The following PIK3R3 variants were observed in gnomAD, a reference collection of about 807,000 sequenced individuals.
The protein encoded by PIK3R3 is phosphoinositide-3-kinase regulatory subunit 3.
In PIK3R3, 64 loss-of-function variants were observed where a neutral mutation model predicts 62.9. The ratio of observed to expected loss-of-function variants is 1.02; its 90% confidence interval spans 0.83 to 1.25. The LOEUF (loss-of-function observed/expected upper bound fraction) is 1.25. PIK3R3 is among the 50% of genes most tolerant of loss of function. PIK3R3 has a pLI of 0.00. For synonymous variants in PIK3R3, 165 were observed against 189.0 expected, an observed-to-expected ratio of 0.87 and a Z score of 1.04; for missense variants, 614 against 561.6, an observed-to-expected ratio of 1.09 and a Z score of -0.94.
At chr1:46,053,614 A>AAGC (rs1390320059) in intron 7 of PIK3R3, among the ~76,000 whole-genome samples, 1 of 152,060 alleles carries the variant, frequency 6.6e-6, no homozygotes, top group Non-Finnish European at 1.5e-5. Context: ...ATGAACCAGA[A>AAGC]AGCAGATCCT....
At chr1:46,141,734 C>T in the PIK3R3 span, among the ~76,000 whole-genome samples, 4 of 152,306 alleles carry the variant, frequency 2.6e-5, no homozygotes, top group South Asian at 2.1e-4. Context: ...CTAATCCCAA[C>T]GTGAATCTTA....
intron 1 of PIK3R3, among the ~76,000 whole-genome samples, chr1:46,081,308 A>G (rs1459996385): frequency 1.3e-5 from 2 of 152,230 alleles, no homozygotes; most frequent in Non-Finnish European, 2.9e-5. Context: ...GTCTATACAC[A>G]GAATACATAT....
intron 1 of PIK3R3, among the ~76,000 whole-genome samples, chr1:46,081,604 C>A (rs535422595): frequency 6.6e-6 from 1 of 152,152 alleles, no homozygotes; most frequent in African/African-American, 2.4e-5. Flanking sequence ...AGCCTAACCC[C>A]ACCCCAGCAA....
intron 1 of PIK3R3, among the ~76,000 whole-genome samples, chr1:46,091,936 TG>T (rs1420671487): frequency 1.3e-5 from 2 of 152,240 alleles, no homozygotes; most frequent in African/African-American, 4.8e-5. Context: ...TTTTTGTTGT[TG>T]TATTGTTATT....
chr1:46,087,025 C>T (rs547794831), intron 1 of PIK3R3, among the ~76,000 whole-genome samples: 2 of 152,222 alleles, frequency 1.3e-5, no homozygotes, highest in Non-Finnish European at 2.9e-5. Context: ...GACAGAAAAA[C>T]CAAACACTGC....
the PIK3R3 span, among the ~76,000 whole-genome samples, chr1:46,145,555 C>G: frequency 6.4e-4 from 98 of 152,030 alleles, 2 homozygotes; most frequent in Non-Finnish European, 3.8e-4. Flanking sequence ...ACCAAGGAAA[C>G]AAGGCTCTTT....
chr1:46,172,497 C>T, the PIK3R3 span, among the ~76,000 whole-genome samples: 2 of 152,236 alleles, frequency 1.3e-5, no homozygotes, highest in East Asian at 3.9e-4. Flanking sequence ...CCTCAGCCTC[C>T]TGAGTAGCTG....
intron 1 of PIK3R3, among the ~76,000 whole-genome samples, chr1:46,090,306 A>C (rs1048282233): frequency 6.3e-5 from 9 of 142,786 alleles, no homozygotes; most frequent in African/African-American, 2.0e-4. Context: ...TGTTCTACGC[A>C]GTCTTTTTTA....
chr1:46,132,960 G>A, upstream of PIK3R3: 1 of 1,119,722 alleles, frequency 8.9e-7, no homozygotes, highest in Non-Finnish European at 1.1e-6. Context: ...TCAGTGCCGG[G>A]AGCACGCGAG....
intron 1 of PIK3R3, among the ~76,000 whole-genome samples, chr1:46,103,918 G>A (rs562993461): frequency 4.6e-4 from 69 of 151,474 alleles, no homozygotes; most frequent in African/African-American, 1.3e-3. Context: ...TATATTATGT[G>A]AAGGTCTTTT....
the PIK3R3 span, among the ~76,000 whole-genome samples, chr1:46,147,777 C>A: frequency 6.6e-6 from 1 of 152,234 alleles, no homozygotes; most frequent in Admixed American, 6.5e-5. Context: ...CAGATTTGTG[C>A]TAATGAAAAC....
chr1:46,128,623 T>C (rs1655297571), intron 1 of PIK3R3, among the ~76,000 whole-genome samples: 1 of 152,176 alleles, frequency 6.6e-6, no homozygotes, highest in South Asian at 2.1e-4. Context: ...ATGTTCCTTA[T>C]TTACTAATTA....
intron 1 of PIK3R3, among the ~76,000 whole-genome samples, chr1:46,124,384 A>G (rs572802193): frequency 2.8e-4 from 42 of 152,182 alleles, no homozygotes; most frequent in Non-Finnish European, 5.3e-4. Context: ...TCCCCCTTTA[A>G]TACCAATAAA....
Position 46,078,534 on chromosome 1 carries a change from T to C in PIK3R3, c.216-921A>G, listed in dbSNP as rs1650281877. Among the ~76,000 whole-genome samples the C allele has an allele frequency of 2.6e-5, 4 of 152,058 alleles. No homozygotes were observed. The South Asian group carries it at 8.3e-4, about 32-fold the overall frequency. ...GCCAGCCTGGGGGACTGAACGAGAC[T>C]CTATCTCAAAAAAAAAATTTTTTTA... On this transcript the variant is annotated intron_variant, in intron 2 of 9. Transcript: ENST00000262741.
chr1:46,055,592 A>T (rs1032284060), intron 7 of PIK3R3, among the ~76,000 whole-genome samples: 3 of 152,232 alleles, frequency 2.0e-5, no homozygotes, highest in African/African-American at 4.8e-5. Context: ...AGAGTCCTAC[A>T]TTCTGGTTTG....
intron 1 of PIK3R3, among the ~76,000 whole-genome samples, chr1:46,114,104 T>C (rs1653969092): frequency 6.6e-6 from 1 of 152,168 alleles, no homozygotes; most frequent in African/African-American, 2.4e-5. Flanking sequence ...TAACGTACAC[T>C]GACTAAACTA....
chr1:46,126,030 G>A (rs947884552), intron 1 of PIK3R3, among the ~76,000 whole-genome samples: 1 of 152,046 alleles, frequency 6.6e-6, no homozygotes, highest in Non-Finnish European at 1.5e-5. Context: ...AAAGTGCTGG[G>A]ATTACAGGCA....
intron 2 of PIK3R3, 75 bp from the exon 3 acceptor site, chr1:46,077,688 C>T (rs948983773): frequency 3.5e-5 from 30 of 855,832 alleles, no homozygotes; most frequent in Middle Eastern, 4.4e-4. Context: ...GCCTTCTTTA[C>T]ATGTTACTAC....
At chr1:46,058,000 G>C (rs531602137) in intron 6 of PIK3R3, among the ~76,000 whole-genome samples, 1 of 152,348 alleles carries the variant, frequency 6.6e-6, no homozygotes, top group South Asian at 2.1e-4. Flanking sequence ...AAGCCCTGGA[G>C]GCCTAGAGGA....
Sources: allele counts gnomAD v4.1 joint callset (sites outside exome capture counted in the v4.1 genomes callset), GRCh38; gene constraint gnomAD v4.1.1; transcripts MANE v1.5; gene names NCBI Gene and HGNC (gene_info 2026-07-23, HGNC 2026-07-21).